The following PCDH11X variants were observed in gnomAD, a reference collection of about 807,000 sequenced individuals.
The protein encoded by PCDH11X is protocadherin 11 X-linked.
A neutral mutation model predicts 53.3 loss-of-function variants in PCDH11X; 18 were observed. That is an observed-to-expected ratio of 0.34 (90% CI 0.23 to 0.50). The LOEUF (loss-of-function observed/expected upper bound fraction) is 0.50, where lower values mean the gene tolerates loss of function less well. PCDH11X is among the 20% of genes least tolerant of loss of function. PCDH11X has a pLI of 0.98. For synonymous variants in PCDH11X, 279 were observed against 393.3 expected (o/e 0.71, Z 3.44); for missense variants, 570 against 1,032.4 (o/e 0.55, Z 6.14).
At chrX:92,575,905 G>GTATATATATA (rs58574424) in intron 10 of PCDH11X, among the ~76,000 whole-genome samples, 1 of 25,827 alleles carries the variant, frequency 3.9e-5, no homozygotes, top group Non-Finnish European at 6.2e-5. Context: ...TACCTGGTGT[G>GTATATATATA]TATATATATA....
At chrX:91,845,419 A>G (rs1406808349) in intron 5 of PCDH11X, among the ~76,000 whole-genome samples, 1 of 107,948 alleles carries the variant, frequency 9.3e-6, no homozygotes, top group African/African-American at 3.5e-5. Flanking sequence ...TATTACCCCC[A>G]TCAAATGCAT....
At chrX:92,613,715 T>G (rs1409659691) in intron 10 of PCDH11X, among the ~76,000 whole-genome samples, 2 of 110,358 alleles carry the variant, frequency 1.8e-5, no homozygotes, top group Non-Finnish European at 3.8e-5. Context: ...TTTATTGAAT[T>G]ATTACCTCAA....
At chrX:92,046,294 G>A (rs935975532) in intron 6 of PCDH11X, among the ~76,000 whole-genome samples, 1 of 111,593 alleles carries the variant, frequency 9.0e-6, no homozygotes, top group African/African-American at 3.3e-5. Context: ...AGTGTCTACT[G>A]GTGATTTTTA....
rs756821273 is a variant in PCDH11X at position 92,110,548 on chromosome X, G to T, written c.3034-90827G>T. Among the ~76,000 whole-genome samples the T allele has an allele frequency of 7.2e-5, 8 of 110,589 alleles. No individual in the cohort carries two copies. In the South Asian group the frequency reaches 3.1e-3, roughly 43 times the overall value. ...CACAGTTTTTACATAAACAAGGGGG[G>T]GGCAGAGGAAAAATGTGAAGAATCT... On this transcript the variant is annotated intron_variant, in intron 6 of 10. Transcript: ENST00000682573.
intron 6 of PCDH11X, among the ~76,000 whole-genome samples, chrX:91,952,286 G>C (rs964153442): frequency 9.1e-6 from 1 of 109,700 alleles, no homozygotes; most frequent in African/African-American, 3.3e-5. Context: ...CAATGTAAAA[G>C]TAATAACACT....
At chrX:92,292,368 C>A (rs921421378) in intron 8 of PCDH11X, among the ~76,000 whole-genome samples, 7 of 112,220 alleles carry the variant, frequency 6.2e-5, no homozygotes, top group African/African-American at 2.3e-4. Flanking sequence ...CACACTTGTT[C>A]TTTAAATGTT....
chrX:91,981,606 C>T (rs1335815544), intron 6 of PCDH11X, among the ~76,000 whole-genome samples: 1 of 111,615 alleles, frequency 9.0e-6, no homozygotes, highest in East Asian at 2.8e-4. Context: ...TTTCATTGTG[C>T]TGATAAAGAC....
chrX:91,967,873 C>A (rs1458994284), intron 6 of PCDH11X, among the ~76,000 whole-genome samples: 1 of 111,532 alleles, frequency 9.0e-6, no homozygotes. Context: ...TAAAGAGCAT[C>A]TTTATATTCT....
chrX:92,062,951 G>A (rs1321611747), intron 6 of PCDH11X, among the ~76,000 whole-genome samples: 2 of 111,234 alleles, frequency 1.8e-5, no homozygotes, highest in African/African-American at 3.3e-5. Flanking sequence ...CAACCCAAAT[G>A]CCCATCAATG....
At chrX:92,602,804 G>A (rs1206242387) in intron 10 of PCDH11X, among the ~76,000 whole-genome samples, 1 of 88,625 alleles carries the variant, frequency 1.1e-5, no homozygotes, top group Non-Finnish European at 2.1e-5. Context: ...ATTCACAATT[G>A]ATGCAATATA....
At chrX:92,247,187 G>T (rs2067367698) in intron 7 of PCDH11X, among the ~76,000 whole-genome samples, 1 of 111,497 alleles carries the variant, frequency 9.0e-6, no homozygotes, top group Admixed American at 9.6e-5. Context: ...TACCAAATAG[G>T]CTATTGCAAA....
chrX:92,566,148 T>A (rs1921450414), intron 10 of PCDH11X, among the ~76,000 whole-genome samples: 1 of 109,100 alleles, frequency 9.2e-6, no homozygotes, highest in African/African-American at 3.3e-5. Flanking sequence ...GGTTTGAGCA[T>A]TACCAAGTAG....
At chrX:92,141,865 A>G (rs982593743) in intron 6 of PCDH11X, among the ~76,000 whole-genome samples, 1 of 111,565 alleles carries the variant, frequency 9.0e-6, no homozygotes, top group African/African-American at 3.2e-5. Context: ...CCCGGAATTG[A>G]GATATTCTAC....
chrX:92,427,026 C>T (rs752262687), intron 9 of PCDH11X, among the ~76,000 whole-genome samples: 2 of 109,681 alleles, frequency 1.8e-5, no homozygotes, highest in South Asian at 7.9e-4. Flanking sequence ...TCTATCCTCC[C>T]CTTCACTCCC....
intron 8 of PCDH11X, among the ~76,000 whole-genome samples, chrX:92,379,506 ATGACATGATTGATAGTGGGTGCCATGGG>A (rs1228121446): frequency 2.7e-5 from 3 of 112,713 alleles, no homozygotes; most frequent in African/African-American, 9.7e-5. Flanking sequence ...GGTGCCATAG[ATGACATGATTGATAGTGGGTGCCATGGG>A]TGACATGATT....
chrX:92,196,905 T>C (rs1386463738), intron 6 of PCDH11X, among the ~76,000 whole-genome samples: 2 of 111,408 alleles, frequency 1.8e-5, no homozygotes, highest in Non-Finnish European at 3.8e-5. Flanking sequence ...GGTGAATGGC[T>C]TCTGCTTCAT....
intron 5 of PCDH11X, among the ~76,000 whole-genome samples, chrX:91,871,332 A>G (rs1024258784): frequency 3.7e-5 from 4 of 106,857 alleles, no homozygotes; most frequent in African/African-American, 1.4e-4. Context: ...AAGTGAAAAA[A>G]AATTAAATAT....
intron 8 of PCDH11X, among the ~76,000 whole-genome samples, chrX:92,278,739 T>C (rs1018785676): frequency 1.8e-5 from 2 of 110,057 alleles, no homozygotes; most frequent in Admixed American, 9.7e-5. Flanking sequence ...CATCTGGTCA[T>C]ATCCGTGCAA....
At chrX:91,897,830 T>C (rs779232863) in intron 6 of PCDH11X, among the ~76,000 whole-genome samples, 1 of 111,724 alleles carries the variant, frequency 9.0e-6, no homozygotes, top group Admixed American at 9.6e-5. Flanking sequence ...CTACATTAAG[T>C]TCTAGAAATT....
Sources: gnomAD v4.1 joint callset for allele counts (sites outside exome capture counted in the v4.1 genomes callset) on GRCh38, gnomAD v4.1.1 for gene constraint, MANE v1.5 for transcripts, NCBI Gene and HGNC (gene_info 2026-07-23, HGNC 2026-07-21) for gene names.